The following NUBPL variants were observed in gnomAD, a reference collection of about 807,000 sequenced individuals.
NUBPL encodes the protein NUBP iron-sulfur cluster assembly factor, mitochondrial.
NUBPL carries 31 observed loss-of-function variants against 45.7 expected under a neutral mutation model. That is an observed-to-expected ratio of 0.68 (90% CI 0.51 to 0.92). NUBPL has a LOEUF of 0.92. Among genes scored for constraint, NUBPL ranks in the 40% least tolerant of loss-of-function variants. The pLI is 0.00. For missense variants in NUBPL, 401 were observed against 398.7 expected (o/e 1.01, Z -0.05); for synonymous variants, 144 against 140.9 (o/e 1.02, Z -0.15).
At chr14:31,661,323 G>T (rs2036263054) in intron 4 of NUBPL, among the ~76,000 whole-genome samples, 1 of 152,180 alleles carries the variant, frequency 6.6e-6, no homozygotes, top group South Asian at 2.1e-4. Flanking sequence ...TATTCACAGG[G>T]CAGTGGATTC....
At chr14:31,751,878 G>GCT (rs1296587409) in intron 6 of NUBPL, among the ~76,000 whole-genome samples, 1 of 152,150 alleles carries the variant, frequency 6.6e-6, no homozygotes, top group Non-Finnish European at 1.5e-5. Context: ...GGTTCCCAAA[G>GCT]CTCAATTCTT....
chr14:31,736,610 A>T (rs1429611843), intron 6 of NUBPL, among the ~76,000 whole-genome samples: 1 of 152,120 alleles, frequency 6.6e-6, no homozygotes, highest in Non-Finnish European at 1.5e-5. Context: ...TCTCCTGTTG[A>T]CATCTGAGTT....
chr14:31,711,619 G>A (rs11851745), intron 6 of NUBPL, among the ~76,000 whole-genome samples: 83,325 of 151,850 alleles, frequency 0.55, 25,016 homozygotes, highest in African/African-American at 0.81. Context: ...TGAGTGTTAC[G>A]GTTCTTAAAG....
intron 3 of NUBPL, among the ~76,000 whole-genome samples, chr14:31,572,015 A>G (rs1351632741): frequency 6.6e-6 from 1 of 152,036 alleles, no homozygotes; most frequent in African/African-American, 2.4e-5. Flanking sequence ...AGAAACACCT[A>G]TAGGTTAAGT....
At chr14:31,715,211 G>A (rs12897779) in intron 6 of NUBPL, among the ~76,000 whole-genome samples, 110,846 of 152,178 alleles carry the variant, frequency 0.73, 47,017 homozygotes, top group East Asian at 0.99. Flanking sequence ...CTCTTGTGGC[G>A]TCTACCTTTT....
chr14:31,740,566 G>A (rs372755851), intron 6 of NUBPL, among the ~76,000 whole-genome samples: 1 of 152,114 alleles, frequency 6.6e-6, no homozygotes, highest in East Asian at 1.9e-4. Flanking sequence ...TTTATCAAAT[G>A]TGTCTTTTGG....
chr14:31,599,226 T>G, intron 3 of NUBPL, 63 bp from the exon 4 acceptor site: 1 of 1,249,438 alleles, frequency 8.0e-7, no homozygotes, highest in Non-Finnish European at 1.2e-6. Context: ...TTGAGAAGAG[T>G]GGGAACAATC....
chr14:31,801,537 T>C (rs2039590318), intron 7 of NUBPL, among the ~76,000 whole-genome samples: 1 of 152,190 alleles, frequency 6.6e-6, no homozygotes, highest in Non-Finnish European at 1.5e-5. Context: ...AAATTGATAC[T>C]GTCACAAAGC....
chr14:31,779,288 A>G (rs2039151127), intron 6 of NUBPL, among the ~76,000 whole-genome samples: 1 of 151,942 alleles, frequency 6.6e-6, no homozygotes, highest in Non-Finnish European at 1.5e-5. Flanking sequence ...CAGTGAGCCG[A>G]GATGGCGCCA....
chr14:31,804,562 T>G (rs1312101448), intron 7 of NUBPL, among the ~76,000 whole-genome samples: 1 of 151,844 alleles, frequency 6.6e-6, no homozygotes, highest in Non-Finnish European at 1.5e-5. Context: ...TTTTGTCGTT[T>G]AAGAATTCTG....
At chr14:31,856,626 A>G (rs2040624983) in intron 10 of NUBPL, among the ~76,000 whole-genome samples, 1 of 152,210 alleles carries the variant, frequency 6.6e-6, no homozygotes, top group South Asian at 2.1e-4. Flanking sequence ...GGGTACAGGC[A>G]TTGGGTAAAT....
chr14:31,738,712 TC>T (rs1206590132), intron 6 of NUBPL, among the ~76,000 whole-genome samples: 3 of 152,206 alleles, frequency 2.0e-5, no homozygotes, highest in Non-Finnish European at 4.4e-5. Context: ...TTAAAAAATT[TC>T]CCATATGAAA....
chr14:31,712,218 T>G (rs993682038), intron 6 of NUBPL, among the ~76,000 whole-genome samples: 2 of 152,162 alleles, frequency 1.3e-5, no homozygotes, highest in Admixed American at 1.3e-4. Context: ...TTTACAAACT[T>G]TTAGCTAGAC....
chr14:31,697,622 CA>C (rs1457986499), intron 6 of NUBPL, among the ~76,000 whole-genome samples: 2 of 152,116 alleles, frequency 1.3e-5, no homozygotes, highest in Non-Finnish European at 2.9e-5. Flanking sequence ...ATTAAATATA[CA>C]GCATTGAAAA....
chr14:31,849,904 T>C (rs1415081703), intron 9 of NUBPL: 2 of 581,614 alleles, frequency 3.4e-6, no homozygotes, highest in Admixed American at 6.0e-5. Context: ...AGAGCTTTCC[T>C]ATATAAACAT....
At chr14:31,645,886 G>C (rs542788799) in intron 4 of NUBPL, among the ~76,000 whole-genome samples, 2 of 147,022 alleles carry the variant, frequency 1.4e-5, no homozygotes, top group Admixed American at 7.1e-5. Context: ...TCTTTTAGAC[G>C]TCATGCTAAA....
chr14:31,806,806 G>T (rs1480225148), intron 7 of NUBPL, among the ~76,000 whole-genome samples: 2 of 152,136 alleles, frequency 1.3e-5, no homozygotes, highest in Non-Finnish European at 2.9e-5. Flanking sequence ...GGTATGTGAT[G>T]TTCCCCACCC....
At position 31,859,303 on chromosome 14, in the gene NUBPL, A is replaced by G; in HGVS notation, c.*123A>G. ...ATAACTGTTTTATTTCTAAGGAAAG[A>G]ATGTCTTCATATTTGACTTGCTAAG... is the stretch of plus-strand genomic sequence containing the variant. On this transcript the variant is annotated 3_prime_UTR_variant, in exon 11 of 11. Coordinates refer to ENST00000281081, the MANE Select transcript of NUBPL (RefSeq NM_025152.3). 1.2e-6 allele frequency: 1 copy of G among 824,782 alleles called. No homozygotes were observed. The highest frequency in any genetic ancestry group is 1.5e-5 in the South Asian group (1 of 68,662). The allele number at this position is 824,782 out of a possible 1,614,324, so 51.1% of individuals were successfully genotyped here.
chr14:31,619,460 G>A (rs1421261783), intron 4 of NUBPL, among the ~76,000 whole-genome samples: 1 of 152,194 alleles, frequency 6.6e-6, no homozygotes, highest in Non-Finnish European at 1.5e-5. Flanking sequence ...TCCTTCAGAA[G>A]CTTTTGTAAG....
Sources: allele counts gnomAD v4.1 joint callset (sites outside exome capture counted in the v4.1 genomes callset), GRCh38; gene constraint gnomAD v4.1.1; transcripts MANE v1.5; gene names NCBI Gene and HGNC (gene_info 2026-07-23, HGNC 2026-07-21).